Variants in TLCD4 observed in about 807,000 individuals in gnomAD.
TLCD4 encodes the protein TLC domain-containing protein 4.
In TLCD4, 7 loss-of-function variants were observed where a neutral mutation model predicts 24.2. The ratio of observed to expected loss-of-function variants is 0.29; its 90% CI spans 0.16 to 0.54. The LOEUF is 0.54. TLCD4 is among the 20% of genes least tolerant of loss of function. The probability of loss-of-function intolerance (pLI) is 0.95; values close to 1 mark genes in which losing one functional copy is unlikely to be tolerated. For synonymous variants in TLCD4, 103 were observed against 106.4 expected, an observed-to-expected ratio of 0.97 and a Z score of 0.20; for missense variants, 259 against 313.9, an observed-to-expected ratio of 0.82 and a Z score of 1.32.
chr1:95,190,767 A>G (rs1678999488), intron 6 of TLCD4, among the ~76,000 whole-genome samples: 1 of 152,122 alleles, frequency 6.6e-6, no homozygotes, highest in African/African-American at 2.4e-5. Flanking sequence ...CTTAGTTTTC[A>G]TCTATATATA....
intron 1 of TLCD4, among the ~76,000 whole-genome samples, chr1:95,129,193 G>C (rs1401956199): frequency 6.6e-6 from 1 of 152,206 alleles, no homozygotes; most frequent in Non-Finnish European, 1.5e-5. Flanking sequence ...AATCCAAAAA[G>C]ATTGTTTCAA....
intron 6 of TLCD4, among the ~76,000 whole-genome samples, chr1:95,179,364 C>G (rs1287007655): frequency 6.6e-6 from 1 of 152,172 alleles, no homozygotes; most frequent in East Asian, 1.9e-4. Context: ...ATGGGCCAGA[C>G]CCGCTGCCTG....
Position 95,195,029 on chromosome 1 carries a change from C to T in TLCD4, c.*3161C>T, listed in dbSNP as rs1484262798. The T allele has an allele frequency of 1.3e-5, 2 of 152,136 alleles. No homozygotes were observed. The highest frequency in any genetic ancestry group is 2.9e-5 in the Non-Finnish European group (2 of 68,018). 9.4% of individuals were successfully genotyped at this position (152,136 alleles called of 1,614,324 possible). ...ATGTTGTTACCACCCCTAAGAGTGA[C>T]TCTGATATATTATGGATGACCCAGG... On this transcript the variant is annotated 3_prime_UTR_variant, in exon 7 of 7. Coordinates refer to ENST00000370203, the MANE Select transcript of TLCD4 (RefSeq NM_152487.3).
the TLCD4 span, among the ~76,000 whole-genome samples, chr1:95,111,325 AAAG>A: frequency 6.7e-6 from 1 of 149,050 alleles, no homozygotes; most frequent in African/African-American, 2.4e-5. Context: ...AAACAAAAAA[AAAG>A]AAAAGAAAAG....
At chr1:95,182,199 G>A (rs1325929273) in intron 6 of TLCD4, among the ~76,000 whole-genome samples, 2 of 151,216 alleles carry the variant, frequency 1.3e-5, no homozygotes, top group East Asian at 3.9e-4. Flanking sequence ...TATGTGACAA[G>A]CCCACTTTTT....
chr1:95,111,941 A>G, the TLCD4 span, among the ~76,000 whole-genome samples: 1 of 152,206 alleles, frequency 6.6e-6, no homozygotes, highest in African/African-American at 2.4e-5. Context: ...GAGAATGGGA[A>G]AGAGCCCTTG....
At chr1:95,166,244 A>G (rs1217678722) in intron 5 of TLCD4, among the ~76,000 whole-genome samples, 3 of 152,160 alleles carry the variant, frequency 2.0e-5, no homozygotes, top group African/African-American at 7.2e-5. Context: ...TATGGGTAAT[A>G]GAAAGTAGGT....
At position 95,192,847 on chromosome 1, in the gene TLCD4, T is replaced by C. The variant is rs1679071417; in HGVS notation, c.*979T>C. 1 of 152,204 alleles carries C rather than the reference T, an allele frequency of 6.6e-6. No individual in the cohort carries two copies. Among genetic ancestry groups the C allele is most frequent in the South Asian group, 2.1e-4 (1 of 4,832 alleles). 9.4% of individuals were successfully genotyped at this position (152,204 alleles called of 1,614,324 possible). A position where few individuals can be genotyped will look rare whatever the true frequency, so the allele number is the denominator to read the frequency against. On this transcript the variant is annotated 3_prime_UTR_variant, in exon 7 of 7. Coordinates refer to ENST00000370203, the MANE Select transcript of TLCD4 (RefSeq NM_152487.3). ...GCATTTTATCAAATTATTGCTTTTT[T>C]ATTTTATAATAAGGCTTAAGACAGA...
chr1:95,112,138 C>G, the TLCD4 span, among the ~76,000 whole-genome samples: 1 of 152,068 alleles, frequency 6.6e-6, no homozygotes, highest in African/African-American at 2.4e-5. Flanking sequence ...AGATGCCAGA[C>G]CATCCCCCTC....
chr1:95,168,417 A>G (rs1277080877), intron 5 of TLCD4, among the ~76,000 whole-genome samples: 1 of 152,130 alleles, frequency 6.6e-6, no homozygotes, highest in Non-Finnish European at 1.5e-5. Context: ...CTCTAAATGT[A>G]TCAGTGTTTG....
intron 2 of TLCD4, among the ~76,000 whole-genome samples, chr1:95,148,496 C>T (rs1280104484): frequency 6.6e-6 from 1 of 152,178 alleles, no homozygotes; most frequent in African/African-American, 2.4e-5. Flanking sequence ...TGGTATCTTC[C>T]TCCTTCTTTA....
chr1:95,132,635 T>C (rs1181053140), intron 1 of TLCD4, among the ~76,000 whole-genome samples: 1 of 152,084 alleles, frequency 6.6e-6, no homozygotes, highest in African/African-American at 2.4e-5. Context: ...TAATATCAAG[T>C]AGCAGTAGGC....
In TLCD4 at chr1:95,194,632, T is replaced by C. The variant is rs1679136800; in HGVS notation, c.*2764T>C. 1 of 152,130 alleles carries C rather than the reference T, an allele frequency of 6.6e-6. No homozygotes were observed. The highest frequency in any genetic ancestry group is 2.1e-4 in the South Asian group (1 of 4,830). 9.4% of individuals were successfully genotyped at this position (152,130 alleles called of 1,614,324 possible). The stretch of plus-strand genomic sequence containing the variant: ...CAATTCTATTTTTGTAGAAAAAAGA[T>C]AACCTGTAATTATAAAGATGTTTTT... On this transcript the variant is annotated 3_prime_UTR_variant, in exon 7 of 7. Coordinates refer to ENST00000370203, the MANE Select transcript of TLCD4 (RefSeq NM_152487.3).
At chr1:95,141,749 G>GA (rs1297944490) in intron 1 of TLCD4, among the ~76,000 whole-genome samples, 2 of 150,532 alleles carry the variant, frequency 1.3e-5, no homozygotes, top group African/African-American at 4.9e-5. Context: ...AAAGTTAATG[G>GA]AGTCTCATAG....
chr1:95,193,151 A>G lies in TLCD4; in HGVS notation c.*1283A>G, dbSNP rs1324934134. The stretch of plus-strand genomic sequence containing the variant: ...ATGAGACCCAAACTATTACAAAAAT[A>G]TCAGTATTCATATTTTACTCACAAT... On this transcript the variant is annotated 3_prime_UTR_variant, in exon 7 of 7. Transcript: ENST00000370203. 1.3e-5 allele frequency: 2 copies of G among 152,130 alleles called. No individual in the cohort carries two copies. Among genetic ancestry groups the G allele is most frequent in the Non-Finnish European group, 2.9e-5 (2 of 67,986 alleles). The allele number at this position is 152,130 out of a possible 1,614,324, so 9.4% of individuals were successfully genotyped here.
At chr1:95,124,396 G>A (rs1483030983) in intron 1 of TLCD4, among the ~76,000 whole-genome samples, 2 of 152,124 alleles carry the variant, frequency 1.3e-5, no homozygotes, top group Non-Finnish European at 2.9e-5. Flanking sequence ...GATTCCAGAA[G>A]GCGAGAAAAA....
chr1:95,185,641 C>G (rs956570073), intron 6 of TLCD4, among the ~76,000 whole-genome samples: 1 of 152,224 alleles, frequency 6.6e-6, no homozygotes, highest in Non-Finnish European at 1.5e-5. Flanking sequence ...CAAAGATCCA[C>G]TTTCACTTAA....
intron 6 of TLCD4, among the ~76,000 whole-genome samples, chr1:95,178,563 C>CTTTTTTTT (rs57190787): frequency 2.2e-4 from 18 of 82,386 alleles, no homozygotes; most frequent in African/African-American, 6.4e-4. Context: ...ATGCCCAGCC[C>CTTTTTTTT]TTTTTTTTTT....
chr1:95,114,620 A>C (rs1557673552), upstream of TLCD4, among the ~76,000 whole-genome samples: 1 of 152,138 alleles, frequency 6.6e-6, no homozygotes, highest in Non-Finnish European at 1.5e-5. Context: ...ACTTGAGGTC[A>C]GCAGTTCGGG....
Sources: allele counts gnomAD v4.1 joint callset (sites outside exome capture counted in the v4.1 genomes callset), GRCh38; gene constraint gnomAD v4.1.1; transcripts MANE v1.5; gene names NCBI Gene and HGNC (gene_info 2026-07-23, HGNC 2026-07-21).